Variants in BCL7A observed in about 807,000 individuals in gnomAD.
BCL7A encodes the protein B-cell CLL/lymphoma 7 protein family member A.
A neutral mutation model predicts 28.4 loss-of-function variants in BCL7A; 11 were observed. The ratio of observed to expected loss-of-function variants is 0.39; its 90% CI spans 0.24 to 0.64. BCL7A has a LOEUF of 0.64. BCL7A is among the 30% of genes least tolerant of loss of function. The pLI is 0.50. For synonymous variants in BCL7A, 123 were observed against 103.3 expected, an observed-to-expected ratio of 1.19 and a Z score of -1.15; for missense variants, 222 against 274.8, an observed-to-expected ratio of 0.81 and a Z score of 1.36.
Position 122,060,589 on chromosome 12 carries a change from G to A in BCL7A, c.*1426G>A, listed in dbSNP as rs776088029. 4.3e-6 allele frequency: 1 copy of A among 233,118 alleles called. No individual in the cohort carries two copies. Among genetic ancestry groups the A allele is most frequent in the African/African-American group, 2.2e-5 (1 of 45,268 alleles). 14.4% of individuals were successfully genotyped at this position (233,118 alleles called of 1,614,324 possible). On this transcript the variant is annotated 3_prime_UTR_variant, in exon 6 of 6. Transcript: ENST00000261822. ...CCTCAGACCTTAAACCTTTTCCTAA[G>A]CTTTCTTTACTGCACTGGAGTTCTG...
chr12:122,058,870 A>G (rs964554522), intron 5 of BCL7A, among the ~76,000 whole-genome samples: 2 of 152,088 alleles, frequency 1.3e-5, no homozygotes, highest in South Asian at 2.1e-4. Flanking sequence ...GGGCCAGGGG[A>G]CACCGCGCTC....
At chr12:122,058,994 C>T (rs563279623) in intron 5 of BCL7A, 98 bp from the exon 6 acceptor site, 8 of 1,059,706 alleles carry the variant, frequency 7.5e-6, no homozygotes, top group Middle Eastern at 2.7e-4. Flanking sequence ...AAGCCGCCCC[C>T]GCTCGGTTCC....
chr12:122,052,995 T>C (rs1013307577), intron 4 of BCL7A, among the ~76,000 whole-genome samples: 22 of 150,800 alleles, frequency 1.5e-4, no homozygotes, highest in African/African-American at 5.4e-4. Flanking sequence ...TAGCCTGTTT[T>C]TGTTGTTGTT....
At chr12:122,044,200 T>C (rs1433170228) in intron 4 of BCL7A, 147 bp downstream of exon 4, 2 of 936,058 alleles carry the variant, frequency 2.1e-6, no homozygotes, top group Admixed American at 3.0e-5. Context: ...GTACATGGTC[T>C]CGTGGGGGAA....
intron 1 of BCL7A, among the ~76,000 whole-genome samples, chr12:122,024,487 T>A: frequency 1.4e-5 from 2 of 146,234 alleles, no homozygotes; most frequent in Non-Finnish European, 1.5e-5. Context: ...TGGCCCCTTC[T>A]AAGCGAAAGC....
intron 5 of BCL7A, among the ~76,000 whole-genome samples, chr12:122,056,751 G>A (rs1036382713): frequency 1.3e-5 from 2 of 152,048 alleles, no homozygotes; most frequent in Admixed American, 1.3e-4. Flanking sequence ...GGCTGCAGTG[G>A]GCTATGATCC....
intron 3 of BCL7A, among the ~76,000 whole-genome samples, chr12:122,040,120 C>G (rs1406830767): frequency 6.6e-6 from 1 of 152,148 alleles, no homozygotes; most frequent in African/African-American, 2.4e-5. Flanking sequence ...TAATAACCAA[C>G]CGCATTTTAC....
chr12:122,054,976 T>C lies in BCL7A; in HGVS notation c.561+50T>C, dbSNP rs202061094. ...GGCAGCCAGATCGGCCGGGAGCCCA[T>C]TGGGTTGTCGGGGGTACGTTGAAAG... On this transcript the variant is annotated intron_variant, in intron 5 of 5. Transcript: ENST00000261822. 3.6e-5 allele frequency: 58 copies of C among 1,613,606 alleles called. No homozygotes were observed. The highest frequency in any genetic ancestry group is 5.3e-5 in the African/African-American group (4 of 74,868).
At chr12:122,024,133 C>G (rs1593020423) in intron 1 of BCL7A, among the ~76,000 whole-genome samples, 1 of 152,336 alleles carries the variant, frequency 6.6e-6, no homozygotes, top group African/African-American at 2.4e-5. Flanking sequence ...GGGGACCAGG[C>G]CTGTAGTTGG....
At chr12:122,027,849 A>T (rs1054942708) in intron 1 of BCL7A, among the ~76,000 whole-genome samples, 16 of 152,190 alleles carry the variant, frequency 1.1e-4, no homozygotes, top group African/African-American at 3.9e-4. Flanking sequence ...AAAAATAAAA[A>T]AAATAAAAAA....
Position 122,022,073 on chromosome 12 carries a change from C to G in BCL7A, c.-19C>G, listed in dbSNP as rs1161053573. On this transcript the variant is annotated 5_prime_UTR_variant, in exon 1 of 6. Coordinates refer to ENST00000261822, the MANE Select transcript of BCL7A (RefSeq NM_001024808.3). ...ACCCGGCGGGCGCGCTCCCCAGCCTCCGTCTCCCCGCCGGAACCATGTCGG... is the reference window on the plus strand; with the variant it reads ...ACCCGGCGGGCGCGCTCCCCAGCCTGCGTCTCCCCGCCGGAACCATGTCGG... The G allele has an allele frequency of 1.3e-6, 2 of 1,543,612 alleles. No individual in the cohort carries two copies. The highest frequency in any genetic ancestry group is 2.4e-5 in the East Asian group (1 of 40,858).
At position 122,060,495 on chromosome 12, in the gene BCL7A, G is replaced by A. The variant is rs201238409; in HGVS notation, c.*1332G>A. The A allele has an allele frequency of 3.0e-5, 7 of 230,206 alleles. No individual in the cohort carries two copies. Among genetic ancestry groups the A allele is most frequent in the East Asian group, 6.2e-5 (1 of 16,210 alleles). 14.3% of individuals were successfully genotyped at this position (230,206 alleles called of 1,614,324 possible). Reference sequence around the variant, plus strand: ...CAGCTTCCTCTCACTGAACGGAGACGCCCCCTTGGACGAACTGCCTAATCG... The same window carrying A: ...CAGCTTCCTCTCACTGAACGGAGACACCCCCTTGGACGAACTGCCTAATCG... On this transcript the variant is annotated 3_prime_UTR_variant, in exon 6 of 6. Coordinates refer to ENST00000261822, the MANE Select transcript of BCL7A (RefSeq NM_001024808.3).
rs375026341 is a variant in BCL7A, at chr12:122,040,540, A to T, written c.272-3346A>T. Among the ~76,000 whole-genome samples, 12 of 151,752 alleles carry T rather than the reference A, an allele frequency of 7.9e-5. No homozygotes were observed. The East Asian group carries it at 1.9e-3, about 24-fold the overall frequency. ...GAGTGAGGCCGTGTCTCCAAAAAAA[A>T]AAAAAAAAAACCAAAAGATCCAGAT... On this transcript the variant is annotated intron_variant, in intron 3 of 5. Transcript: ENST00000261822.
intron 4 of BCL7A, among the ~76,000 whole-genome samples, chr12:122,046,561 T>C (rs1884080712): frequency 6.6e-6 from 1 of 152,168 alleles, no homozygotes; most frequent in African/African-American, 2.4e-5. Context: ...AGACAGACAC[T>C]GGAACGAAGG....
At position 122,059,466 on chromosome 12, in the gene BCL7A, T is replaced by C. The variant is rs1329314953; in HGVS notation, c.*303T>C. 5.9e-6 allele frequency: 2 copies of C among 338,936 alleles called. No homozygotes were observed. The highest frequency in any genetic ancestry group is 1.1e-5 in the Non-Finnish European group (2 of 181,532). 21.0% of individuals were successfully genotyped at this position (338,936 alleles called of 1,614,324 possible). A position where few individuals can be genotyped will look rare whatever the true frequency, so the allele number is the denominator to read the frequency against. ...GGATTCCATTTGTGTTGCTGCTGTA[T>C]TTTCCCCCCACTTCTCTATGTAACG... is the stretch of plus-strand genomic sequence containing the variant. On this transcript the variant is annotated 3_prime_UTR_variant, in exon 6 of 6. Transcript: ENST00000261822. This position sits in a 1 kb window ranked among gnomAD's most constrained non-coding sequence, Gnocchi z 4.0.
intron 5 of BCL7A, among the ~76,000 whole-genome samples, chr12:122,057,292 G>A (rs1047032031): frequency 3.9e-5 from 6 of 152,202 alleles, no homozygotes; most frequent in East Asian, 1.9e-4. Flanking sequence ...CAGGGTGGCC[G>A]GGGAGGCCAG....
At chr12:122,037,989 C>T (rs377580027) in intron 3 of BCL7A, among the ~76,000 whole-genome samples, 7 of 151,918 alleles carry the variant, frequency 4.6e-5, no homozygotes, top group African/African-American at 9.6e-5. Flanking sequence ...GGTGTAGTGG[C>T]GGGCACCTGT....
intron 5 of BCL7A, 168 bp downstream of exon 5, chr12:122,055,094 C>T: frequency 7.3e-7 from 1 of 1,371,414 alleles, no homozygotes; most frequent in Non-Finnish European, 9.9e-7. Flanking sequence ...GTCCTGGGCT[C>T]TGCCTTGGGC....
chr12:122,043,699 G>T (rs143182785), intron 3 of BCL7A, among the ~76,000 whole-genome samples, 187 bp from the exon 4 acceptor site: 1 of 151,072 alleles, frequency 6.6e-6, no homozygotes, highest in African/African-American at 2.4e-5. Flanking sequence ...ATTGCACCAC[G>T]GTCCTCCAGC....
Sources: allele counts gnomAD v4.1 joint callset (sites outside exome capture counted in the v4.1 genomes callset), GRCh38; gene constraint gnomAD v4.1.1; non-coding constraint Gnocchi (gnomAD v3.1); transcripts MANE v1.5; gene names NCBI Gene and HGNC (gene_info 2026-07-23, HGNC 2026-07-21).